RASSF6: variants seen among roughly 807,000 people sequenced by gnomAD.
The protein encoded by RASSF6 is Ras association domain family member 6.
Under a neutral mutation model 44.0 loss-of-function variants are expected in RASSF6, and 52 were observed. The ratio of observed to expected loss-of-function variants is 1.18; its 90% CI spans 0.95 to 1.49. RASSF6 has a LOEUF of 1.49. Among genes scored for constraint, RASSF6 ranks in the 40% most tolerant of loss-of-function variants. RASSF6 has a pLI of 0.00. For missense variants in RASSF6, 464 were observed against 393.3 expected (o/e 1.18, Z -1.52); for synonymous variants, 162 against 124.6 (o/e 1.30, Z -2.00).
rs202237664 is a variant in RASSF6 at position 73,585,162 on chromosome 4, G to A, written c.567+18C>T. On this transcript the variant is annotated intron_variant, in intron 6 of 10. Transcript: ENST00000307439. Reference sequence around the variant, plus strand: ...AACCTTATTTTATATTACATTAATGGAATTGTAACTCACTTACTTCATGGT... The same window carrying A: ...AACCTTATTTTATATTACATTAATGAAATTGTAACTCACTTACTTCATGGT... The A allele has an allele frequency of 1.6e-5, 24 of 1,541,682 alleles. No homozygotes were observed. In the African/African-American group the frequency reaches 3.1e-4, roughly 20 times the overall value.
In RASSF6 at chr4:73,610,203, C is replaced by A. The variant is rs114804634; in HGVS notation, c.65+1528G>T. Among the ~76,000 whole-genome samples the A allele has an allele frequency of 3.8e-3, 577 of 152,306 alleles. 3 individuals carry two copies. Among genetic ancestry groups the A allele is most frequent in the African/African-American group, 0.013 (543 of 41,578 alleles). On this transcript the variant is annotated intron_variant, in intron 2 of 10. Coordinates refer to ENST00000307439, the MANE Select transcript of RASSF6 (RefSeq NM_177532.5). ...ATCCTTGGTTATTCTCTTTCTCTCACACCCATGTCTAACCCTTCTGGAAAT... is the reference window on the plus strand; with the variant it reads ...ATCCTTGGTTATTCTCTTTCTCTCAAACCCATGTCTAACCCTTCTGGAAAT...
intron 2 of RASSF6, among the ~76,000 whole-genome samples, chr4:73,606,373 A>G (rs1437166576): frequency 6.6e-6 from 1 of 152,208 alleles, no homozygotes; most frequent in African/African-American, 2.4e-5. Context: ...CCGGGTACAC[A>G]TGGACACAAA....
intron 2 of RASSF6, among the ~76,000 whole-genome samples, chr4:73,610,606 T>C (rs1725940904): frequency 6.6e-6 from 1 of 152,202 alleles, no homozygotes; most frequent in African/African-American, 2.4e-5. Flanking sequence ...GCTGTGGAGT[T>C]GCCATTCCCC....
intron 2 of RASSF6, among the ~76,000 whole-genome samples, chr4:73,601,045 G>T (rs186419982): frequency 1.3e-5 from 2 of 152,344 alleles, no homozygotes; most frequent in Admixed American, 1.3e-4. Context: ...TGTTATGAAA[G>T]CAAATGGAGC....
At chr4:73,619,613 C>T (rs1020519368) in intron 1 of RASSF6, among the ~76,000 whole-genome samples, 1 of 152,138 alleles carries the variant, frequency 6.6e-6, no homozygotes, top group Non-Finnish European at 1.5e-5. Context: ...GTTTTACAGA[C>T]AAACGTTTGG....
rs368275709 is a variant in RASSF6 at position 73,576,734 on chromosome 4, G to A, written c.722-3C>T. On this transcript the variant is annotated splice_region_variant and splice_polypyrimidine_tract_variant and intron_variant, in intron 8 of 10. Coordinates refer to ENST00000307439, the MANE Select transcript of RASSF6 (RefSeq NM_177532.5). ...TGTCTTCTTTAGTCGTCTTTGTTCTGCAGTGAAAACAAGAATCAACCACAA... is the reference window on the plus strand; with the variant it reads ...TGTCTTCTTTAGTCGTCTTTGTTCTACAGTGAAAACAAGAATCAACCACAA... 6.5e-6 allele frequency: 10 copies of A among 1,546,012 alleles called. No individual in the cohort carries two copies. The highest frequency in any genetic ancestry group is 8.9e-6 in the Non-Finnish European group (10 of 1,126,126).
chr4:73,605,683 GC>G (rs113178814), intron 2 of RASSF6, among the ~76,000 whole-genome samples: 274 of 152,332 alleles, frequency 1.8e-3, no homozygotes, highest in African/African-American at 6.3e-3. Flanking sequence ...AAGCAAAAAT[GC>G]AAACCCTGAA....
chr4:73,612,593 A>T (rs913524529), intron 1 of RASSF6, among the ~76,000 whole-genome samples: 2 of 151,630 alleles, frequency 1.3e-5, no homozygotes, highest in Non-Finnish European at 2.9e-5. Flanking sequence ...TTAGGAAATT[A>T]TATGTCCTAA....
intron 3 of RASSF6, among the ~76,000 whole-genome samples, chr4:73,594,661 G>A (rs1724812417): frequency 1.3e-5 from 2 of 152,162 alleles, no homozygotes; most frequent in South Asian, 2.1e-4. Flanking sequence ...ACAAAGTTTT[G>A]CACTTCTTCC....
intron 3 of RASSF6, among the ~76,000 whole-genome samples, chr4:73,597,201 G>T (rs1157071965): frequency 6.6e-6 from 1 of 152,154 alleles, no homozygotes; most frequent in African/African-American, 2.4e-5. Context: ...CAGAATGGGA[G>T]AATATTTTTG....
chr4:73,586,772 A>C (rs182965044), intron 5 of RASSF6, among the ~76,000 whole-genome samples: 5 of 151,962 alleles, frequency 3.3e-5, no homozygotes, highest in African/African-American at 4.8e-5. Context: ...TCTAAAAGAT[A>C]ATTGGAAGGG....
chr4:73,603,360 T>C (rs1725409109), intron 2 of RASSF6, among the ~76,000 whole-genome samples: 1 of 152,118 alleles, frequency 6.6e-6, no homozygotes, highest in African/African-American at 2.4e-5. Flanking sequence ...GGATAGAAGT[T>C]GGCACCCTGC....
intron 2 of RASSF6, among the ~76,000 whole-genome samples, chr4:73,604,882 T>C (rs1459872309): frequency 8.4e-6 from 1 of 119,156 alleles, no homozygotes; most frequent in East Asian, 2.2e-4. Flanking sequence ...ATCATTTTCT[T>C]TCTTTTTTTT....
At chr4:73,585,049 A>T (rs991153727) in intron 6 of RASSF6, 131 bp downstream of exon 6, 5 of 570,726 alleles carry the variant, frequency 8.8e-6, no homozygotes, top group Admixed American at 3.3e-5. Flanking sequence ...GCACATAGAG[A>T]GTGCCCCCAA....
chr4:73,593,517 A>G lies in RASSF6; in HGVS notation c.221T>C (p.Ile74Thr), dbSNP rs754902812. The G allele has an allele frequency of 6.2e-7, 1 of 1,613,892 alleles. No homozygotes were observed. Among genetic ancestry groups the G allele is most frequent in the Non-Finnish European group, 8.5e-7 (1 of 1,179,910 alleles). ...AGAAGAGAATGGCTTCTCATCTTGT[A>G]TTTTTAGCTGTATAGGTCGTTTTAC... ...WGVKRPIQLKIQDEKPFSSFT... is the reference protein window; with the variant it reads ...WGVKRPIQLKTQDEKPFSSFT... Residue 74 changes from isoleucine (I) to threonine (T), a missense_variant, in exon 4 of 11, where the codon ATA becomes ACA. Coordinates refer to ENST00000307439, the MANE Select transcript of RASSF6 (RefSeq NM_177532.5).
At chr4:73,587,332 T>A (rs1262475156) in intron 5 of RASSF6, among the ~76,000 whole-genome samples, 2 of 152,018 alleles carry the variant, frequency 1.3e-5, no homozygotes, top group Admixed American at 1.3e-4. Flanking sequence ...TTTAAAAAGA[T>A]CTCTGAAATA....
chr4:73,604,849 T>C (rs1394365884), intron 2 of RASSF6, among the ~76,000 whole-genome samples: 1 of 152,056 alleles, frequency 6.6e-6, no homozygotes, highest in African/African-American at 2.4e-5. Context: ...ATTTCCTATG[T>C]TATAATTCTA....
chr4:73,580,506 C>T (rs1723551507), intron 8 of RASSF6, among the ~76,000 whole-genome samples: 1 of 151,346 alleles, frequency 6.6e-6, no homozygotes, highest in African/African-American at 2.4e-5. Context: ...AAAAGTGTTC[C>T]TATTTCTCCA....
chr4:73,588,033 C>A, intron 4 of RASSF6, 99 bp from the exon 5 acceptor site: 1 of 682,022 alleles, frequency 1.5e-6, no homozygotes, highest in Non-Finnish European at 2.5e-6. Flanking sequence ...TACTGTGGGC[C>A]TCTGTAGGTG....
Sources: gnomAD v4.1 joint callset for allele counts (sites outside exome capture counted in the v4.1 genomes callset) on GRCh38, gnomAD v4.1.1 for gene constraint, MANE v1.5 for transcripts, NCBI Gene and HGNC (gene_info 2026-07-23, HGNC 2026-07-21) for gene names.